Variants in ATG14 observed in about 807,000 individuals in gnomAD.
ATG14 encodes autophagy related 14, also known as beclin 1-associated autophagy-related key regulator.
ATG14 carries 35 observed loss-of-function variants against 60.4 expected under a neutral mutation model. The ratio of observed to expected loss-of-function variants is 0.58; its 90% confidence interval spans 0.44 to 0.77. The LOEUF is 0.77. ATG14 is among the 30% of genes least tolerant of loss of function. The probability of loss-of-function intolerance (pLI) is 0.00; values close to 1 mark genes in which losing one functional copy is unlikely to be tolerated. For missense variants in ATG14, 647 were observed against 626.3 expected (o/e 1.03, Z -0.35); for synonymous variants, 234 against 228.8 (o/e 1.02, Z -0.21).
chr14:55,399,567 T>C (rs1885366254), intron 1 of ATG14, among the ~76,000 whole-genome samples: 3 of 152,222 alleles, frequency 2.0e-5, no homozygotes, highest in Admixed American at 2.0e-4. Context: ...AGAAATCTAA[T>C]TATAAATTCT....
chr14:55,392,648 C>CAAA (rs1197794000), intron 3 of ATG14, among the ~76,000 whole-genome samples: 8 of 51,842 alleles, frequency 1.5e-4, no homozygotes, highest in Admixed American at 7.6e-4. Context: ...GACTCCACCT[C>CAAA]AAAAAAAAAA....
At chr14:55,390,402 T>C (rs1885194851) in intron 4 of ATG14, among the ~76,000 whole-genome samples, 1 of 151,158 alleles carries the variant, frequency 6.6e-6, no homozygotes, top group Non-Finnish European at 1.5e-5. Flanking sequence ...TGAGACAGAG[T>C]CTGGCTCTGT....
At chr14:55,372,468 G>A (rs976510206) in intron 9 of ATG14, among the ~76,000 whole-genome samples, 4 of 152,104 alleles carry the variant, frequency 2.6e-5, no homozygotes, top group Non-Finnish European at 5.9e-5. Flanking sequence ...TGACTGCCAG[G>A]CTAAGTCTCT....
chr14:55,406,531 T>C (rs1443149216), intron 1 of ATG14, among the ~76,000 whole-genome samples: 3 of 152,226 alleles, frequency 2.0e-5, no homozygotes, highest in African/African-American at 7.2e-5. Context: ...CTATTGACAG[T>C]CGGTAAAAAT....
chr14:55,410,065 C>T (rs1483292079), intron 1 of ATG14, among the ~76,000 whole-genome samples: 4 of 151,954 alleles, frequency 2.6e-5, no homozygotes, highest in Non-Finnish European at 5.9e-5. Flanking sequence ...AGAGAGGAGT[C>T]AAGGAGAACT....
Position 55,386,083 on chromosome 14 carries a change from A to G in ATG14, c.423T>C (p.Leu141=), listed in dbSNP as rs1434974843. 6.2e-7 allele frequency: 1 copy of G among 1,610,144 alleles called. No individual in the cohort carries two copies. Residue 141 remains leucine, a synonymous_variant, in exon 5 of 10, where the codon CTT becomes CTC. Coordinates refer to ENST00000247178, the MANE Select transcript of ATG14 (RefSeq NM_014924.5). ...TCTGATTCTTTTCCTTGGTTTTGAG[A>G]AGGCCTTCAGAATCTAAAATAAATA... The part of the protein sequence containing the change: ...NEEMEKNSEG[L]LKTKEKNQKL...
chr14:55,389,164 T>C (rs1885173646), intron 4 of ATG14, among the ~76,000 whole-genome samples: 1 of 152,180 alleles, frequency 6.6e-6, no homozygotes, highest in South Asian at 2.1e-4. Context: ...TTTTGGGAGT[T>C]AGGAATGTGT....
intron 1 of ATG14, among the ~76,000 whole-genome samples, chr14:55,400,724 G>A (rs935429756): frequency 2.0e-5 from 3 of 152,176 alleles, no homozygotes; most frequent in East Asian, 3.9e-4. Context: ...CCAACATGGC[G>A]AAACTCTGTC....
At chr14:55,377,183 C>A (rs918972012) in intron 9 of ATG14, among the ~76,000 whole-genome samples, 2 of 152,064 alleles carry the variant, frequency 1.3e-5, no homozygotes, top group Non-Finnish European at 2.9e-5. Context: ...CCTGTCTCTA[C>A]TAAAAATACA....
intron 7 of ATG14, among the ~76,000 whole-genome samples, chr14:55,379,856 G>A (rs1046858537): frequency 6.6e-6 from 1 of 152,140 alleles, no homozygotes; most frequent in Non-Finnish European, 1.5e-5. Flanking sequence ...CAAATAGCTG[G>A]GATACAGGCG....
intron 3 of ATG14, among the ~76,000 whole-genome samples, chr14:55,393,214 T>C (rs925276658): frequency 7.4e-6 from 1 of 134,708 alleles, no homozygotes. Context: ...ACCCCGTCTC[T>C]ACTAAAAAAA....
chr14:55,377,119 G>T (rs1884932559), intron 9 of ATG14, among the ~76,000 whole-genome samples: 1 of 152,158 alleles, frequency 6.6e-6, no homozygotes, highest in African/African-American at 2.4e-5. Context: ...AGCCGAAGCG[G>T]GTGGATCACC....
intron 7 of ATG14, among the ~76,000 whole-genome samples, chr14:55,379,198 AC>A (rs1370022493): frequency 2.0e-5 from 3 of 152,236 alleles, no homozygotes; most frequent in African/African-American, 7.2e-5. Flanking sequence ...GTGTTACATA[AC>A]TAAAAATTTT....
At chr14:55,403,670 AAAC>A (rs796166023) in intron 1 of ATG14, among the ~76,000 whole-genome samples, 21 of 152,330 alleles carry the variant, frequency 1.4e-4, no homozygotes, top group African/African-American at 4.6e-4. Context: ...TTAAATGACA[AAAC>A]AACAACAACA....
At chr14:55,408,557 G>A (rs768392147) in intron 1 of ATG14, among the ~76,000 whole-genome samples, 6 of 152,098 alleles carry the variant, frequency 3.9e-5, no homozygotes, top group Non-Finnish European at 8.8e-5. Flanking sequence ...GGACTGCTCA[G>A]CCCACAGGTT....
In ATG14 at chr14:55,377,843, C is replaced by G; in HGVS notation, c.1148G>C (p.Ser383Thr). The change falls in exon 9 of 10, where the codon AGT becomes ACT. Residue 383 changes from serine (S) to threonine (T), a missense_variant. Coordinates refer to ENST00000247178, the MANE Select transcript of ATG14 (RefSeq NM_014924.5). ...HTLRNLMYLV[S>T]PSSEHLGRSG... The stretch of plus-strand genomic sequence containing the variant: ...CCTGCCTAGGTGTTCAGAGCTTGGA[C>G]TGACCAGGTACATTAGATTCCTGAG... The G allele has an allele frequency of 6.3e-7, 1 of 1,596,862 alleles. No homozygotes were observed. The highest frequency in any genetic ancestry group is 8.5e-7 in the Non-Finnish European group (1 of 1,174,982).
intron 1 of ATG14, among the ~76,000 whole-genome samples, chr14:55,397,851 CT>C (rs1022314874): frequency 2.0e-4 from 30 of 150,748 alleles, no homozygotes; most frequent in African/African-American, 3.4e-4. Flanking sequence ...AAATTGTAGA[CT>C]TTTTTTCACT....
chr14:55,400,914 A>G (rs1243587777), intron 1 of ATG14, among the ~76,000 whole-genome samples: 1 of 70,936 alleles, frequency 1.4e-5, no homozygotes, highest in East Asian at 3.7e-4. Flanking sequence ...ATAAATAAAT[A>G]AAATAAAATA....
At chr14:55,402,337 A>G (rs2140149679) in intron 1 of ATG14, among the ~76,000 whole-genome samples, 1 of 152,330 alleles carries the variant, frequency 6.6e-6, no homozygotes, top group Middle Eastern at 3.4e-3. Flanking sequence ...GTATTTTAAG[A>G]AAGGCAAAAA....
Sources: allele counts gnomAD v4.1 joint callset (sites outside exome capture counted in the v4.1 genomes callset), GRCh38; gene constraint gnomAD v4.1.1; transcripts MANE v1.5; gene names NCBI Gene and HGNC (gene_info 2026-07-23, HGNC 2026-07-21).